ZCCHC17: variants seen among roughly 807,000 people sequenced by gnomAD.
The protein encoded by ZCCHC17 is zinc finger CCHC domain-containing protein 17.
Under a neutral mutation model 30.6 loss-of-function variants are expected in ZCCHC17, and 18 were observed. The observed-to-expected ratio is 0.59, with a 90% CI of 0.41 to 0.87. ZCCHC17 has a LOEUF of 0.87. Among genes scored for constraint, ZCCHC17 ranks in the 40% least tolerant of loss-of-function variants. The pLI is 0.00. For synonymous variants in ZCCHC17, 88 were observed against 92.4 expected (o/e 0.95, Z 0.27); for missense variants, 263 against 284.2 (o/e 0.93, Z 0.54).
At chr1:31,337,744 A>G (rs2148453485) in intron 4 of ZCCHC17, among the ~76,000 whole-genome samples, 1 of 152,280 alleles carries the variant, frequency 6.6e-6, no homozygotes, top group Middle Eastern at 3.4e-3. Flanking sequence ...GGACCCTGTT[A>G]CTCACTTGAG....
intron 3 of ZCCHC17, among the ~76,000 whole-genome samples, chr1:31,334,091 G>A (rs1425516557): frequency 6.6e-6 from 1 of 152,152 alleles, no homozygotes; most frequent in African/African-American, 2.4e-5. Context: ...TGGAGATTGT[G>A]TGTTGATCTA....
intron 5 of ZCCHC17, among the ~76,000 whole-genome samples, chr1:31,342,925 G>T (rs1639099560): frequency 6.6e-6 from 1 of 152,140 alleles, no homozygotes; most frequent in African/African-American, 2.4e-5. Context: ...ATGGTTTGAG[G>T]AAAGGAATGA....
At chr1:31,359,033 G>A (rs1041828394) in intron 7 of ZCCHC17, among the ~76,000 whole-genome samples, 1 of 152,182 alleles carries the variant, frequency 6.6e-6, no homozygotes, top group Non-Finnish European at 1.5e-5. Flanking sequence ...CCATGAATGT[G>A]TTCTAGGTAA....
chr1:31,352,039 C>G (rs1005122926), intron 7 of ZCCHC17, among the ~76,000 whole-genome samples: 1 of 152,204 alleles, frequency 6.6e-6, no homozygotes, highest in Non-Finnish European at 1.5e-5. Flanking sequence ...TTTAACATAC[C>G]TCCAAAACTT....
intron 3 of ZCCHC17, among the ~76,000 whole-genome samples, chr1:31,331,870 A>C (rs1225390252): frequency 6.6e-6 from 1 of 151,998 alleles, no homozygotes; most frequent in African/African-American, 2.4e-5. Flanking sequence ...TCAGCCTCCC[A>C]AAGTGCTGGG....
At chr1:31,322,667 G>C (rs1331757915) in intron 3 of ZCCHC17, among the ~76,000 whole-genome samples, 1 of 152,042 alleles carries the variant, frequency 6.6e-6, no homozygotes, top group African/African-American at 2.4e-5. Context: ...TTCAGTGATA[G>C]AGCTCAGTCT....
At chr1:31,363,741 C>CCACT (rs763708712) in intron 7 of ZCCHC17, among the ~76,000 whole-genome samples, 1 of 152,166 alleles carries the variant, frequency 6.6e-6, no homozygotes, top group Non-Finnish European at 1.5e-5. Context: ...GTGATCGTGC[C>CCACT]ACTGCACTGC....
chr1:31,297,185 G>A (rs1646183182), intron 1 of ZCCHC17, 110 bp downstream of exon 1: 1 of 400,858 alleles, frequency 2.5e-6, no homozygotes, highest in South Asian at 1.1e-4. Flanking sequence ...AGCAAGGGGT[G>A]GGAGGCGGGC....
At chr1:31,355,362 C>T (rs539088275) in intron 7 of ZCCHC17, among the ~76,000 whole-genome samples, 7 of 152,070 alleles carry the variant, frequency 4.6e-5, no homozygotes, top group Admixed American at 3.9e-4. Flanking sequence ...CCGTCATTAC[C>T]TTTTATGCCT....
intron 6 of ZCCHC17, among the ~76,000 whole-genome samples, chr1:31,347,091 A>G (rs1353148976): frequency 6.6e-6 from 1 of 152,236 alleles, no homozygotes; most frequent in East Asian, 1.9e-4. Context: ...TGATTCTGCA[A>G]AAATTAAGCA....
Position 31,310,234 on chromosome 1 carries a change from T to C in ZCCHC17, c.66+70T>C, listed in dbSNP as rs903007704. ...AGATTAAGGGTGACAACTGGGTTTG[T>C]TGTTCCTGTCCACTTAAGTCTGTCT... is the stretch of plus-strand genomic sequence containing the variant. On this transcript the variant is annotated intron_variant, in intron 2 of 7. Transcript: ENST00000344147. 4.6e-5 allele frequency: 70 copies of C among 1,526,846 alleles called. No individual in the cohort carries two copies. In the African/African-American group the frequency reaches 9.0e-4, roughly 20 times the overall value. The allele number at this position is 1,526,846 out of a possible 1,614,324, so 94.6% of individuals were successfully genotyped here.
intron 1 of ZCCHC17, among the ~76,000 whole-genome samples, chr1:31,299,332 A>C (rs956190837): frequency 6.6e-6 from 1 of 152,222 alleles, no homozygotes; most frequent in Non-Finnish European, 1.5e-5. Context: ...GCAAGGAAAA[A>C]AAAAATTTTT....
At chr1:31,348,733 C>A in intron 6 of ZCCHC17, 96 bp from the exon 7 acceptor site, 1 of 1,455,258 alleles carries the variant, frequency 6.9e-7, no homozygotes, top group Admixed American at 1.7e-5. Flanking sequence ...ATTTCCTGAG[C>A]CAGCTAGCCC....
At chr1:31,361,622 A>G (rs951923589) in intron 7 of ZCCHC17, among the ~76,000 whole-genome samples, 16 of 152,170 alleles carry the variant, frequency 1.1e-4, no homozygotes, top group African/African-American at 3.6e-4. Flanking sequence ...AAGAGGGGCC[A>G]TGTGCTACAT....
In ZCCHC17 at chr1:31,364,377, A is replaced by C; in HGVS notation, c.*184A>C. Reference sequence around the variant, plus strand: ...GTTAGAGGTCAAAAGCAGCTGCCTGAATGAGTTGTTGTTTCCTTATCACTC... The same window carrying C: ...GTTAGAGGTCAAAAGCAGCTGCCTGCATGAGTTGTTGTTTCCTTATCACTC... On this transcript the variant is annotated 3_prime_UTR_variant, in exon 8 of 8. Transcript: ENST00000344147. 2 of 1,083,578 alleles carry C rather than the reference A, an allele frequency of 1.8e-6. No individual in the cohort carries two copies. Among genetic ancestry groups the C allele is most frequent in the Non-Finnish European group, 2.6e-6 (2 of 776,252 alleles). 67.1% of individuals were successfully genotyped at this position (1,083,578 alleles called of 1,614,324 possible). A position where few individuals can be genotyped will look rare whatever the true frequency, so the allele number is the denominator to read the frequency against.
In ZCCHC17 at chr1:31,323,482, T is replaced by C. The variant is rs374700688; in HGVS notation, c.124+4316T>C. 1.2e-3 allele frequency among the ~76,000 whole-genome samples: 176 copies of C among 152,194 alleles called. 4 individuals are homozygous for C. The East Asian group carries it at 0.031, about 26-fold the overall frequency. On this transcript the variant is annotated intron_variant, in intron 3 of 7. Transcript: ENST00000344147. Reference sequence around the variant, plus strand: ...GACTACAGGCACCCGCCACCATGCCTGGCTAATTTTTTGTATTTTTAGTAG... The same window carrying C: ...GACTACAGGCACCCGCCACCATGCCCGGCTAATTTTTTGTATTTTTAGTAG...
At chr1:31,344,281 C>G (rs1034238039) in intron 5 of ZCCHC17, among the ~76,000 whole-genome samples, 4 of 152,144 alleles carry the variant, frequency 2.6e-5, no homozygotes, top group Non-Finnish European at 5.9e-5. Flanking sequence ...GTGTGAGCCA[C>G]AACTGCTGGT....
chr1:31,318,053 A>G, intron 2 of ZCCHC17: 1 of 770,568 alleles, frequency 1.3e-6, no homozygotes, highest in Non-Finnish European at 2.0e-6. Context: ...CTGTACAGTG[A>G]CATAAGGATT....
chr1:31,307,115 C>T (rs913576472), intron 1 of ZCCHC17, among the ~76,000 whole-genome samples: 2 of 151,694 alleles, frequency 1.3e-5, no homozygotes, highest in African/African-American at 2.4e-5. Flanking sequence ...GGATTACAGG[C>T]GTGAGCCACT....
Sources: allele counts gnomAD v4.1 joint callset (sites outside exome capture counted in the v4.1 genomes callset), GRCh38; gene constraint gnomAD v4.1.1; transcripts MANE v1.5; gene names NCBI Gene and HGNC (gene_info 2026-07-23, HGNC 2026-07-21).